GBP4: variants seen among roughly 807,000 people sequenced by gnomAD.
GBP4 encodes guanylate-binding protein 4.
In GBP4, 69 loss-of-function variants were observed where a neutral mutation model predicts 62.2. That is an observed-to-expected ratio of 1.11 (90% CI 0.91 to 1.36). GBP4 has a LOEUF of 1.36. GBP4 is among the 40% of genes most tolerant of loss of function. GBP4 has a pLI of 0.00. For missense variants in GBP4, 697 were observed against 759.3 expected, an observed-to-expected ratio of 0.92 and a Z score of 0.96; for synonymous variants, 278 against 274.6, an observed-to-expected ratio of 1.01 and a Z score of -0.12.
rs748829236 is a variant in GBP4 at position 89,185,590 on chromosome 1, G to A, written c.1708-121C>T. 2.1e-4 allele frequency: 132 copies of A among 617,906 alleles called. 1 individual carries two copies. Among genetic ancestry groups the A allele is most frequent in the Admixed American group, 3.8e-4 (13 of 33,916 alleles). The allele number at this position is 617,906 out of a possible 1,614,324, so 38.3% of individuals were successfully genotyped here. ...CTATTTCTCTATTATCTTAGAAAAC[G>A]CTTTGATGAATTTGTGTAACATTTC... On this transcript the variant is annotated intron_variant, in intron 10 of 10. Transcript: ENST00000355754.
Position 89,190,058 on chromosome 1 carries a change from C to T in GBP4, c.1177G>A (p.Glu393Lys). Reference sequence around the variant, plus strand: ...AGTACCACAAGCTTCTTCTGGAATTCATGGTTTTCATCCTTGAAGGAGTGC... The same window carrying T: ...AGTACCACAAGCTTCTTCTGGAATTTATGGTTTTCATCCTTGAAGGAGTGC... The part of the protein sequence containing the change: ...MEHSFKDENH[E>K]FQKKLVDTIE... Residue 393 changes from glutamate (E) to lysine (K), a missense_variant, in exon 7 of 11, where the codon GAA becomes AAA. Coordinates refer to ENST00000355754, the MANE Select transcript of GBP4 (RefSeq NM_052941.5). 6.2e-7 allele frequency: 1 copy of T among 1,608,194 alleles called. No homozygotes were observed. The highest frequency in any genetic ancestry group is 8.5e-7 in the Non-Finnish European group (1 of 1,175,448).
At position 89,191,326 on chromosome 1, in the gene GBP4, C is replaced by T. The variant is rs148433415; in HGVS notation, c.851G>A (p.Cys284Tyr). Reference sequence around the variant, plus strand: ...CTTTGCATGGGTGAAGATATAAGAACAGAAGTTGTCTGATTGCATAAGGAA... The same window carrying T: ...CTTTGCATGGGTGAAGATATAAGAATAGAAGTTGTCTGATTGCATAAGGAA... ...RHFLMQSDNF[C>Y]SYIFTHAKTK... is the part of the protein sequence containing the mutation. The change falls in exon 6 of 11, where the codon TGT becomes TAT. Residue 284 changes from cysteine to tyrosine, a missense_variant. Transcript: ENST00000355754. 1 of 1,614,194 alleles carries T rather than the reference C, an allele frequency of 6.2e-7. No individual in the cohort carries two copies. Among genetic ancestry groups the T allele is most frequent in the East Asian group, 2.2e-5 (1 of 44,892 alleles).
At chr1:89,189,644 G>A (rs990598917) in intron 7 of GBP4, among the ~76,000 whole-genome samples, 1 of 152,190 alleles carries the variant, frequency 6.6e-6, no homozygotes, top group African/African-American at 2.4e-5. Flanking sequence ...AGAAACATAA[G>A]GATTTCATGC....
intron 2 of GBP4, 110 bp from the exon 3 acceptor site, chr1:89,195,534 G>T: frequency 1.5e-6 from 2 of 1,320,268 alleles, no homozygotes; most frequent in Admixed American, 2.1e-5. Context: ...AGGGGAAAAG[G>T]GTTGTTTCCA....
intron 9 of GBP4, among the ~76,000 whole-genome samples, 170 bp from the exon 10 acceptor site, chr1:89,186,696 G>A (rs1056422463): frequency 3.3e-5 from 5 of 152,180 alleles, no homozygotes; most frequent in Admixed American, 2.0e-4. Context: ...AATGTGATGC[G>A]AAGGCACTGG....
Position 89,192,801 on chromosome 1 carries a change from C to A in GBP4, c.670+103G>T. ...ACCACCATGAGCATGGGCCTCAAAT[C>A]AATCCAGTCTAATGTAAACATTTGT... On this transcript the variant is annotated intron_variant, in intron 5 of 10. Transcript: ENST00000355754. 2.8e-6 allele frequency: 3 copies of A among 1,070,376 alleles called. No individual in the cohort carries two copies. The South Asian group carries it at 6.4e-5, about 23-fold the overall frequency. The allele number at this position is 1,070,376 out of a possible 1,614,324, so 66.3% of individuals were successfully genotyped here.
intron 5 of GBP4, 42 bp downstream of exon 5, chr1:89,192,862 C>T (rs371947273): frequency 1.5e-5 from 23 of 1,579,606 alleles, no homozygotes; most frequent in East Asian, 9.0e-5. Context: ...GTTGATCCTA[C>T]CCCCCACTGA....
rs546847207 is a variant in GBP4 at position 89,186,099 on chromosome 1, C to T, written c.1707+234G>A. 2.0e-5 allele frequency among the ~76,000 whole-genome samples: 3 copies of T among 152,300 alleles called. No homozygotes were observed. The South Asian group carries it at 6.2e-4, about 32-fold the overall frequency. ...TCCTGTAGTCACCACAAACAGCAGC[C>T]TGGGACCCTGGGAGATGTCATGTGT... On this transcript the variant is annotated intron_variant, in intron 10 of 10. Coordinates refer to ENST00000355754, the MANE Select transcript of GBP4 (RefSeq NM_052941.5).
In GBP4 at chr1:89,193,044, T is replaced by G. The variant is rs1179599518; in HGVS notation, c.530A>C (p.Glu177Ala). Residue 177 changes from glutamate (E) to alanine (A), a missense_variant, in exon 5 of 11, where the codon GAA becomes GCA. By Grantham distance (107) the Glu-to-Ala change is moderately radical. This residue lies in a region of GBP4 where 556 missense variants were observed against 562.7 expected (regional missense o/e 0.99). Transcript: ENST00000355754. The stretch of plus-strand genomic sequence containing the variant: ...CGCAAACTCGCTGGAGTCCTCAGCT[T>G]CATCAGGTCTGGGGCAGGATTTTGC... ...IRAKSCPRPD[E>A]AEDSSEFASF... 1.2e-6 allele frequency: 2 copies of G among 1,614,118 alleles called. No individual in the cohort carries two copies. Among genetic ancestry groups the G allele is most frequent in the Non-Finnish European group, 1.7e-6 (2 of 1,180,052 alleles).
intron 3 of GBP4, among the ~76,000 whole-genome samples, chr1:89,193,966 GA>G (rs1459721592): frequency 3.9e-5 from 6 of 152,200 alleles, no homozygotes; most frequent in African/African-American, 7.2e-5. Context: ...AAAAAGAAGG[GA>G]GGGGGAGGCA....
chr1:89,186,393 C>T lies in GBP4; in HGVS notation c.1647G>A (p.Leu549=). The change falls in exon 10 of 11, where the codon TTG becomes TTA. Residue 549 remains leucine (L), a synonymous_variant. Coordinates refer to ENST00000355754, the MANE Select transcript of GBP4 (RefSeq NM_052941.5). The part of the protein sequence containing the change: ...QEYMAQMEKK[L]EEERENLLRE... ...TGAGAAGGTTTTCCCTTTCCTCCTC[C>T]AACTTCTTCTCCATTTGGGCCATGT... 2.0e-6 allele frequency: 3 copies of T among 1,492,352 alleles called. No individual in the cohort carries two copies. Among genetic ancestry groups the T allele is most frequent in the East Asian group, 2.2e-5 (1 of 44,514 alleles). The allele number at this position is 1,492,352 out of a possible 1,614,324, so 92.4% of individuals were successfully genotyped here.
rs759139414 is a variant in GBP4 at position 89,193,282 on chromosome 1, C to T, written c.473+21G>A. The T allele has an allele frequency of 4.3e-6, 7 of 1,609,974 alleles. No individual in the cohort carries two copies. The East Asian group carries it at 1.1e-4, about 26-fold the overall frequency. ...TCCCCTAAACCCCATAAAACCTGCTCTTCACTTCCCAGAAGGATACTGCAG... is the reference window on the plus strand; with the variant it reads ...TCCCCTAAACCCCATAAAACCTGCTTTTCACTTCCCAGAAGGATACTGCAG... On this transcript the variant is annotated intron_variant, in intron 4 of 10. Transcript: ENST00000355754.
rs1163837576 is a variant in GBP4, at chr1:89,181,558, T to C, written c.*3696A>G. ...AAAATATATTTACTAACTATAAGTA[T>C]ATATTTACTAAACATATACATTTAT... On this transcript the variant is annotated 3_prime_UTR_variant, in exon 11 of 11. Coordinates refer to ENST00000355754, the MANE Select transcript of GBP4 (RefSeq NM_052941.5). 2 of 152,024 alleles carry C rather than the reference T, an allele frequency of 1.3e-5. No individual in the cohort carries two copies. Among genetic ancestry groups the C allele is most frequent in the African/African-American group, 2.4e-5 (1 of 41,404 alleles). 9.4% of individuals were successfully genotyped at this position (152,024 alleles called of 1,614,324 possible).
chr1:89,188,832 T>C (rs773636362), intron 7 of GBP4, 38 bp from the exon 8 acceptor site: 4 of 1,606,388 alleles, frequency 2.5e-6, no homozygotes, highest in East Asian at 4.5e-5. Context: ...AGAAAGAAGC[T>C]GTTAGAAGGG....
chr1:89,198,596 A>C (rs1399909680), intron 1 of GBP4, 199 bp downstream of exon 1: 2 of 594,528 alleles, frequency 3.4e-6, no homozygotes, highest in Non-Finnish European at 6.1e-6. Flanking sequence ...TGGACCGTCT[A>C]GAGACGCTGG....
Position 89,186,389 on chromosome 1 carries a change from C to A in GBP4, c.1651G>T (p.Glu551Ter), listed in dbSNP as rs561037. ...YMAQMEKKLE[E>*]ERENLLREHE... ...TCTCTGAGAAGGTTTTCCCTTTCCT[C>A]CTCCAACTTCTTCTCCATTTGGGCC... Residue 551 changes from glutamate (E) to a stop codon, truncating the protein, a stop_gained, in exon 10 of 11, where the codon GAG (glutamate) becomes TAG (stop). Transcript: ENST00000355754. LOFTEE classifies it high-confidence loss of function. The A allele has an allele frequency of 6.6e-7, 1 of 1,514,320 alleles. No homozygotes were observed. The highest frequency in any genetic ancestry group is 9.2e-7 in the Non-Finnish European group (1 of 1,089,998). 93.8% of individuals were successfully genotyped at this position (1,514,320 alleles called of 1,614,324 possible). A position where few individuals can be genotyped will look rare whatever the true frequency, so the allele number is the denominator to read the frequency against.
At chr1:89,196,633 A>G (rs1648348453) in intron 2 of GBP4, among the ~76,000 whole-genome samples, 1 of 152,254 alleles carries the variant, frequency 6.6e-6, no homozygotes, top group African/African-American at 2.4e-5. Flanking sequence ...ACTAACTAGA[A>G]GGGAATATAA....
intron 3 of GBP4, among the ~76,000 whole-genome samples, chr1:89,194,142 A>G (rs1648265211): frequency 6.6e-6 from 1 of 152,254 alleles, no homozygotes; most frequent in Admixed American, 6.5e-5. Flanking sequence ...ATAGAAGCCA[A>G]GTCAGAATTG....
Position 89,195,324 on chromosome 1 carries a change from G to A in GBP4, c.336C>T (p.Asp112=). The A allele has an allele frequency of 6.2e-7, 1 of 1,614,032 alleles. No individual in the cohort carries two copies. The highest frequency in any genetic ancestry group is 8.5e-7 in the Non-Finnish European group (1 of 1,179,922). Residue 112 remains aspartate (D), a synonymous_variant, in exon 3 of 11, where the codon GAC becomes GAT. Coordinates refer to ENST00000355754, the MANE Select transcript of GBP4 (RefSeq NM_052941.5). ...SKPNHTLVLL[D]TEGLGDVEKS... is the part of the protein sequence containing the mutation. ...TTTCTACATCGCCCAGGCCCTCGGT[G>A]TCCAGAAGGACCAGGGTGTGGTTTG... is the stretch of plus-strand genomic sequence containing the variant.
Sources: gnomAD v4.1 joint callset for allele counts (sites outside exome capture counted in the v4.1 genomes callset) on GRCh38, gnomAD v4.1.1 for gene constraint, gnomAD v4.1.1 regional missense constraint, MANE v1.5 for transcripts, NCBI Gene and HGNC (gene_info 2026-07-23, HGNC 2026-07-21) for gene names.